The following GPATCH8 variants were observed in gnomAD, a reference collection of about 807,000 sequenced individuals.
GPATCH8 encodes the protein G patch domain-containing protein 8.
A neutral mutation model predicts 118.3 loss-of-function variants in GPATCH8; 18 were observed. That is an observed-to-expected ratio of 0.15 (90% CI 0.11 to 0.23). GPATCH8 has a LOEUF of 0.23. Among genes scored for constraint, GPATCH8 ranks in the 10% least tolerant of loss-of-function variants. The pLI is 1.00. For synonymous variants in GPATCH8, 659 were observed against 684.7 expected (o/e 0.96, Z 0.59); for missense variants, 1,631 against 1,873.8 (o/e 0.87, Z 2.39).
At chr17:44,448,045 G>T (rs1027592558) in intron 3 of GPATCH8, among the ~76,000 whole-genome samples, 5 of 152,204 alleles carry the variant, frequency 3.3e-5, no homozygotes, top group Non-Finnish European at 5.9e-5. Context: ...CCAGGTTCAA[G>T]CGATTCTCCT....
chr17:44,443,047 C>T (rs1414542686), intron 3 of GPATCH8, among the ~76,000 whole-genome samples: 2 of 152,140 alleles, frequency 1.3e-5, no homozygotes, highest in Non-Finnish European at 2.9e-5. Flanking sequence ...CACTGCACTC[C>T]AGCCTGGGTG....
chr17:44,474,355 C>A (rs751080491), intron 2 of GPATCH8: 1 of 205,412 alleles, frequency 4.9e-6, no homozygotes, highest in Non-Finnish European at 9.9e-6. Context: ...ACCAAACTTG[C>A]CATGTTTCAC....
At chr17:44,464,843 A>T (rs896182255) in intron 2 of GPATCH8, 1 of 366,848 alleles carries the variant, frequency 2.7e-6, no homozygotes, top group Non-Finnish European at 5.1e-6. Context: ...GGGGAAGAAT[A>T]CATTTATGAA....
chr17:44,398,208 CT>C lies in GPATCH8; in HGVS notation c.3868del (p.Ser1290ValfsTer51). 1 of 1,613,448 alleles carries C rather than the reference CT, an allele frequency of 6.2e-7. No individual in the cohort carries two copies. The highest frequency in any genetic ancestry group is 8.5e-7 in the Non-Finnish European group (1 of 1,179,590). On this transcript the variant is annotated frameshift_variant, in exon 8 of 8. Transcript: ENST00000591680. LOFTEE classifies it high-confidence loss of function. ...PSYAPPSGDP[S>X]IESTDGAEDA... ...CTCAGCCCCATCTGTTGACTCAATA[CT>C]AGGATCCCCACTGGGAGGTGCATAA...
Position 44,397,993 on chromosome 17 carries a change from G to C in GPATCH8, c.4084C>G (p.Gln1362Glu), listed in dbSNP as rs370643934. ...ATPALQPIHI[Q>E]QPATASATSI... Reference sequence around the variant, plus strand: ...GTGGCAGAGGCTGTAGCTGGCTGCTGAATGTGGATGGGTTGCAGGGCTGGT... The same window carrying C: ...GTGGCAGAGGCTGTAGCTGGCTGCTCAATGTGGATGGGTTGCAGGGCTGGT... The change falls in exon 8 of 8, where the codon CAG (glutamine) becomes GAG (glutamate). Residue 1362 changes from glutamine (Q) to glutamate (E), a missense_variant. Coordinates refer to ENST00000591680, the MANE Select transcript of GPATCH8 (RefSeq NM_001002909.4). The C allele has an allele frequency of 6.8e-6, 11 of 1,613,992 alleles. No individual in the cohort carries two copies. Among genetic ancestry groups the C allele is most frequent in the African/African-American group, 6.7e-5 (5 of 74,926 alleles).
chr17:44,456,832 A>T (rs1313339063), intron 3 of GPATCH8, among the ~76,000 whole-genome samples: 1 of 152,160 alleles, frequency 6.6e-6, no homozygotes, highest in African/African-American at 2.4e-5. Context: ...TTTCTCAAAC[A>T]ATTATATTTT....
intron 5 of GPATCH8, among the ~76,000 whole-genome samples, chr17:44,433,166 A>G (rs1052792480): frequency 3.9e-5 from 6 of 152,146 alleles, no homozygotes; most frequent in Non-Finnish European, 8.8e-5. Flanking sequence ...ATCTCAAGAT[A>G]CTATGTATAA....
At chr17:44,412,737 T>G (rs2049491169) in intron 6 of GPATCH8, among the ~76,000 whole-genome samples, 2 of 152,200 alleles carry the variant, frequency 1.3e-5, no homozygotes, top group South Asian at 4.1e-4. Context: ...CGACCACTAT[T>G]TCTGGCTAAG....
At chr17:44,470,245 C>T (rs866093789) in intron 2 of GPATCH8, among the ~76,000 whole-genome samples, 3 of 152,078 alleles carry the variant, frequency 2.0e-5, no homozygotes, top group African/African-American at 7.2e-5. Context: ...TTTTGGAGAT[C>T]GAGTCTCGCT....
chr17:44,464,104 A>C (rs1284722575), intron 3 of GPATCH8, among the ~76,000 whole-genome samples: 2 of 152,180 alleles, frequency 1.3e-5, no homozygotes, highest in African/African-American at 4.8e-5. Context: ...TTCTCTTTAT[A>C]ATACTGAAGC....
intron 3 of GPATCH8, among the ~76,000 whole-genome samples, chr17:44,444,554 C>A (rs2050808015): frequency 6.6e-6 from 1 of 152,142 alleles, no homozygotes; most frequent in East Asian, 1.9e-4. Context: ...AGGCAGACTA[C>A]TTGAGGTCAG....
chr17:44,443,566 A>AC (rs1434212730), intron 3 of GPATCH8, among the ~76,000 whole-genome samples: 1 of 152,234 alleles, frequency 6.6e-6, no homozygotes, highest in Admixed American at 6.5e-5. Context: ...AAAACTTTCT[A>AC]CCCAAAATAG....
At chr17:44,472,531 T>C (rs1167693031) in intron 2 of GPATCH8, among the ~76,000 whole-genome samples, 1 of 152,184 alleles carries the variant, frequency 6.6e-6, no homozygotes, top group African/African-American at 2.4e-5. Flanking sequence ...GAATACTAGG[T>C]TGCAAATTTC....
At position 44,397,701 on chromosome 17, in the gene GPATCH8, T is replaced by C; in HGVS notation, c.4376A>G (p.His1459Arg). ...AAGTAGGGTGGGGTAGAGGGCAGCATGTGGGACAGGGTGAAAGGTGAAGGG... is the reference window on the plus strand; with the variant it reads ...AAGTAGGGTGGGGTAGAGGGCAGCACGTGGGACAGGGTGAAAGGTGAAGGG... ...PGPFTFHPVP[H>R]AALYPTLLAP... The change falls in exon 8 of 8, where the codon CAT becomes CGT. Residue 1459 changes from histidine to arginine, a missense_variant. His to Arg is a conservative substitution (Grantham distance 29). Coordinates refer to ENST00000591680, the MANE Select transcript of GPATCH8 (RefSeq NM_001002909.4). The C allele has an allele frequency of 1.2e-6, 2 of 1,610,758 alleles. No individual in the cohort carries two copies. Among genetic ancestry groups the C allele is most frequent in the Non-Finnish European group, 8.5e-7 (1 of 1,177,926 alleles).
chr17:44,440,443 A>G (rs1359568244), intron 3 of GPATCH8, among the ~76,000 whole-genome samples: 2 of 152,202 alleles, frequency 1.3e-5, no homozygotes, highest in Non-Finnish European at 2.9e-5. Context: ...TTTTAGAGAC[A>G]GGGTCGCTGA....
chr17:44,448,580 G>A (rs2050992232), intron 3 of GPATCH8, among the ~76,000 whole-genome samples: 1 of 36,476 alleles, frequency 2.7e-5, no homozygotes, highest in South Asian at 6.7e-4. Context: ...AGAGGAAGAA[G>A]AAGAAGAAGA....
chr17:44,409,809 G>T (rs1421828738), intron 6 of GPATCH8, among the ~76,000 whole-genome samples: 2 of 152,122 alleles, frequency 1.3e-5, no homozygotes, highest in Non-Finnish European at 2.9e-5. Flanking sequence ...TGTGGGGCAG[G>T]GACTACAGCT....
intron 3 of GPATCH8, among the ~76,000 whole-genome samples, chr17:44,451,294 T>C (rs539872170): frequency 6.6e-6 from 1 of 152,284 alleles, no homozygotes; most frequent in African/African-American, 2.4e-5. Flanking sequence ...GGTTTCGCCA[T>C]GTTGGCCAGG....
chr17:44,406,675 G>T (rs753018635), intron 6 of GPATCH8, among the ~76,000 whole-genome samples: 2 of 152,060 alleles, frequency 1.3e-5, no homozygotes, highest in Non-Finnish European at 2.9e-5. Flanking sequence ...ACTTTTATCT[G>T]GTCAGCCTGC....
Sources: allele counts gnomAD v4.1 joint callset (sites outside exome capture counted in the v4.1 genomes callset), GRCh38; gene constraint gnomAD v4.1.1; transcripts MANE v1.5; gene names NCBI Gene and HGNC (gene_info 2026-07-23, HGNC 2026-07-21).